Variants in SNED1 observed in about 807,000 individuals in gnomAD.
SNED1 encodes the protein sushi, nidogen and EGF like domains 1.
In SNED1, 81 loss-of-function variants were observed where a neutral mutation model predicts 166.7. The ratio of observed to expected loss-of-function variants is 0.49; its 90% CI spans 0.41 to 0.58. The LOEUF (loss-of-function observed/expected upper bound fraction) is 0.58. Ranked by LOEUF, SNED1 falls within the 20% of genes least tolerant of loss-of-function variation. SNED1 has a pLI of 0.00. For synonymous variants in SNED1, 762 were observed against 822.0 expected (o/e 0.93, Z 1.25); for missense variants, 1,604 against 2,000.2 (o/e 0.80, Z 3.78).
intron 1 of SNED1, among the ~76,000 whole-genome samples, chr2:241,017,272 C>A (rs1574880918): frequency 6.6e-6 from 1 of 152,238 alleles, no homozygotes; most frequent in East Asian, 1.9e-4. Context: ...ATGAGACTCT[C>A]ATGTTAGAGC....
intron 26 of SNED1, 51 bp downstream of exon 26, chr2:241,071,929 C>T (rs764042934): frequency 2.1e-6 from 3 of 1,402,288 alleles, no homozygotes; most frequent in East Asian, 2.5e-5. Context: ...CTCGTCCTCA[C>T]TGCCACTCTC....
chr2:241,002,855 G>GA (rs2060116757), intron 1 of SNED1, among the ~76,000 whole-genome samples: 3 of 151,952 alleles, frequency 2.0e-5, no homozygotes, highest in Admixed American at 1.3e-4. Context: ...AAACCCCTGA[G>GA]AGCCTCCCCA....
intron 1 of SNED1, among the ~76,000 whole-genome samples, chr2:241,017,749 CT>C (rs2060640058): frequency 6.6e-6 from 1 of 152,342 alleles, no homozygotes; most frequent in African/African-American, 2.4e-5. Flanking sequence ...ACAGCGGGAC[CT>C]CAACCATGAC....
intron 6 of SNED1, among the ~76,000 whole-genome samples, chr2:241,039,121 G>GCTC (rs2061453178): frequency 6.6e-6 from 1 of 152,190 alleles, no homozygotes; most frequent in African/African-American, 2.4e-5. Flanking sequence ...CCCCACAGGG[G>GCTC]CTCCCTGATC....
In SNED1 at chr2:241,068,046, C is replaced by T; in HGVS notation, c.3194+99C>T. On this transcript the variant is annotated intron_variant, in intron 22 of 31. Coordinates refer to ENST00000310397, the MANE Select transcript of SNED1 (RefSeq NM_001080437.3). This position sits in a 1 kb window ranked among gnomAD's most constrained non-coding sequence, Gnocchi z 5.3. ...CTCGGGCACATTCTCCGTGTGTGGA[C>T]TGTACCACCTGCCGCTCCTCACCTG... is the stretch of plus-strand genomic sequence containing the variant. The T allele has an allele frequency of 9.0e-7, 1 of 1,113,154 alleles. No homozygotes were observed. The highest frequency in any genetic ancestry group is 1.5e-5 in the South Asian group (1 of 65,092). 69.0% of individuals were successfully genotyped at this position (1,113,154 alleles called of 1,614,324 possible).
rs969918203 is a variant in SNED1 at position 241,051,829 on chromosome 2, C to T, written c.1821C>T (p.Pro607=). Reference sequence around the variant, plus strand: ...GCGGCGAGTACCACTGCAGCTGCCCCTACCGCTTCACTGGGAGGCACTGTG... The same window carrying T: ...GCGGCGAGTACCACTGCAGCTGCCCTTACCGCTTCACTGGGAGGCACTGTG... ...EAGGEYHCSC[P]YRFTGRHCEI... is the part of the protein sequence containing the mutation. Residue 607 remains proline (P), a synonymous_variant, in exon 13 of 32, where the codon CCC becomes CCT. Transcript: ENST00000310397. This position sits in a 1 kb window ranked among gnomAD's most constrained non-coding sequence, Gnocchi z 4.7. 4 of 1,561,660 alleles carry T rather than the reference C, an allele frequency of 2.6e-6. No individual in the cohort carries two copies. The highest frequency in any genetic ancestry group is 2.7e-5 in the African/African-American group (2 of 73,732).
chr2:241,002,925 T>C (rs1304928020), intron 1 of SNED1, among the ~76,000 whole-genome samples: 1 of 151,908 alleles, frequency 6.6e-6, no homozygotes, highest in Non-Finnish European at 1.5e-5. Context: ...CCTCTCTACT[T>C]GGACCACTTC....
At position 241,052,441 on chromosome 2, in the gene SNED1, G is replaced by A. The variant is rs766705563; in HGVS notation, c.2056G>A (p.Gly686Arg). The A allele has an allele frequency of 6.2e-7, 1 of 1,610,050 alleles. No individual in the cohort carries two copies. Among genetic ancestry groups the A allele is most frequent in the Non-Finnish European group, 8.5e-7 (1 of 1,178,080 alleles). Residue 686 changes from glycine to arginine, a missense_variant, in exon 15 of 32, where the codon GGG becomes AGG. Gly to Arg is a moderately radical substitution (Grantham distance 125). Coordinates refer to ENST00000310397, the MANE Select transcript of SNED1 (RefSeq NM_001080437.3). The stretch of plus-strand genomic sequence containing the variant: ...GGATTTCTTCTGCCACTGCCAAGCA[G>A]GGTACATGGGACGCCGGTGCCAGGC... The part of the protein sequence containing the change: ...DTDFFCHCQA[G>R]YMGRRCQAEV...
At chr2:241,033,972 C>A in intron 3 of SNED1, 97 bp downstream of exon 3, 1 of 1,411,748 alleles carries the variant, frequency 7.1e-7, no homozygotes, top group Non-Finnish European at 9.6e-7. Flanking sequence ...TCACCATAGG[C>A]AGATCCCCCA....
intron 29 of SNED1, among the ~76,000 whole-genome samples, chr2:241,083,680 G>A (rs914279505): frequency 1.3e-5 from 2 of 152,182 alleles, no homozygotes; most frequent in Non-Finnish European, 2.9e-5. Context: ...AGTGCCTGCT[G>A]GTGACCACCA....
At chr2:241,082,755 A>C (rs2063389585) in intron 29 of SNED1, among the ~76,000 whole-genome samples, 1 of 152,224 alleles carries the variant, frequency 6.6e-6, no homozygotes, top group African/African-American at 2.4e-5. Flanking sequence ...CAGTTCTGCC[A>C]TTAACTCATG....
rs901550178 is a variant in SNED1 at position 241,075,173 on chromosome 2, G to T, written c.3916+1809G>T. On this transcript the variant is annotated intron_variant, in intron 27 of 31. Transcript: ENST00000310397. The surrounding 1 kb of genome is among the most constrained non-coding windows in gnomAD (Gnocchi z 4.8). ...CCCTCTCTGTGCAGAGAACATGTAGGTTGTGTTTGGTATGAGCAGTGCTGC... is the reference window on the plus strand; with the variant it reads ...CCCTCTCTGTGCAGAGAACATGTAGTTTGTGTTTGGTATGAGCAGTGCTGC... The T allele has an allele frequency of 7.7e-4, 117 of 152,296 alleles. No homozygotes were observed. Among genetic ancestry groups the T allele is most frequent in the Middle Eastern group, 3.4e-3 (1 of 294 alleles). 9.4% of individuals were successfully genotyped at this position (152,296 alleles called of 1,614,324 possible).
rs1357383556 is a variant in SNED1, at chr2:241,048,465, C to T, written c.1399+25C>T. 8 of 1,574,654 alleles carry T rather than the reference C, an allele frequency of 5.1e-6. No homozygotes were observed. In the Admixed American group the frequency reaches 1.3e-4, roughly 25 times the overall value. On this transcript the variant is annotated intron_variant, in intron 9 of 31. Coordinates refer to ENST00000310397, the MANE Select transcript of SNED1 (RefSeq NM_001080437.3). ...AGTGCGTCTGGGCTGCAAGGGCTGCCGTTTTAGGGCTGGGGCAGGAGACCC... is the reference window on the plus strand; with the variant it reads ...AGTGCGTCTGGGCTGCAAGGGCTGCTGTTTTAGGGCTGGGGCAGGAGACCC...
At chr2:241,062,031 G>A (rs1382347049) in intron 16 of SNED1, among the ~76,000 whole-genome samples, 1 of 152,104 alleles carries the variant, frequency 6.6e-6, no homozygotes, top group East Asian at 1.9e-4. Flanking sequence ...TTCATATAAT[G>A]CTGAGAGAAG....
At position 241,013,813 on chromosome 2, in the gene SNED1, A is replaced by G. The variant is rs887241326; in HGVS notation, c.213+14763A>G. Among the ~76,000 whole-genome samples, 1 of 152,158 alleles carries G rather than the reference A, an allele frequency of 6.6e-6. No individual in the cohort carries two copies. The highest frequency in any genetic ancestry group is 1.5e-5 in the Non-Finnish European group (1 of 68,030). On this transcript the variant is annotated intron_variant, in intron 1 of 31. Transcript: ENST00000310397. The surrounding 1 kb of genome is among the most constrained non-coding windows in gnomAD (Gnocchi z 4.6). Reference sequence around the variant, plus strand: ...ACATATGTCTGTATATATACACCACATTTTGTTTATCCATTCATCCGTCAG... The same window carrying G: ...ACATATGTCTGTATATATACACCACGTTTTGTTTATCCATTCATCCGTCAG...
intron 16 of SNED1, 36 bp from the exon 17 acceptor site, chr2:241,062,755 G>C: frequency 6.9e-7 from 1 of 1,441,462 alleles, no homozygotes; most frequent in South Asian, 1.2e-5. Flanking sequence ...CTTAATCGTG[G>C]CCACATTGCT....
chr2:241,070,442 T>C (rs1310496423), intron 24 of SNED1, among the ~76,000 whole-genome samples: 1 of 152,220 alleles, frequency 6.6e-6, no homozygotes, highest in African/African-American at 2.4e-5. Flanking sequence ...GAGCCTCAGT[T>C]TGTGCCGGAC....
At position 241,092,331 on chromosome 2, in the gene SNED1, G is replaced by C. The variant is rs778683616; in HGVS notation, c.*695G>C. The C allele has an allele frequency of 6.6e-6, 1 of 152,184 alleles. No individual in the cohort carries two copies. The highest frequency in any genetic ancestry group is 1.5e-5 in the Non-Finnish European group (1 of 68,022). The allele number at this position is 152,184 out of a possible 1,614,324, so 9.4% of individuals were successfully genotyped here. A position where few individuals can be genotyped will look rare whatever the true frequency, so the allele number is the denominator to read the frequency against. ...TCAGACGGTAAACGTTTTCAGCTTTGCAGACCAGAGGTCCCTGTGGCTACA... is the reference window on the plus strand; with the variant it reads ...TCAGACGGTAAACGTTTTCAGCTTTCCAGACCAGAGGTCCCTGTGGCTACA... On this transcript the variant is annotated 3_prime_UTR_variant, in exon 32 of 32. Transcript: ENST00000310397. This position sits in a 1 kb window ranked among gnomAD's most constrained non-coding sequence, Gnocchi z 4.6.
At chr2:241,024,726 C>A (rs2124939122) in intron 1 of SNED1, among the ~76,000 whole-genome samples, 1 of 148,576 alleles carries the variant, frequency 6.7e-6, no homozygotes, top group Middle Eastern at 3.5e-3. Flanking sequence ...GGCTGGAGTG[C>A]AATGGTGTGA....
Sources: gnomAD v4.1 joint callset for allele counts (sites outside exome capture counted in the v4.1 genomes callset) on GRCh38, gnomAD v4.1.1 for gene constraint, Gnocchi (gnomAD v3.1) non-coding constraint, MANE v1.5 for transcripts, NCBI Gene and HGNC (gene_info 2026-07-23, HGNC 2026-07-21) for gene names.